The following GTF2A2 variants were observed in gnomAD, a reference collection of about 807,000 sequenced individuals.
GTF2A2 encodes the protein transcription initiation factor IIA subunit 2.
A neutral mutation model predicts 14.3 loss-of-function variants in GTF2A2; 9 were observed. The observed-to-expected ratio is 0.63, with a 90% CI of 0.38 to 1.10. The LOEUF (loss-of-function observed/expected upper bound fraction) is 1.10. Among genes scored for constraint, GTF2A2 ranks in the 50% least tolerant of loss-of-function variants. The probability of loss-of-function intolerance (pLI) is 0.01; values close to 1 mark genes in which losing one functional copy is unlikely to be tolerated. For missense variants in GTF2A2, 90 were observed against 124.6 expected, an observed-to-expected ratio of 0.72 and a Z score of 1.32; for synonymous variants, 56 against 46.0, an observed-to-expected ratio of 1.22 and a Z score of -0.88.
chr15:59,652,038 G>A (rs765860748), intron 2 of GTF2A2, 168 bp downstream of exon 2: 75 of 552,516 alleles, frequency 1.4e-4, no homozygotes, highest in Non-Finnish European at 2.0e-4. Flanking sequence ...CCTGTTGTCA[G>A]GACAGTGTAA....
chr15:59,647,991 T>TG (rs1285666400), intron 3 of GTF2A2, among the ~76,000 whole-genome samples: 1 of 152,182 alleles, frequency 6.6e-6, no homozygotes, highest in Non-Finnish European at 1.5e-5. Flanking sequence ...ATCTTATTTT[T>TG]GGGGGGTGTG....
At chr15:59,650,266 T>C (rs1268114906) in intron 3 of GTF2A2, among the ~76,000 whole-genome samples, 4 of 152,118 alleles carry the variant, frequency 2.6e-5, no homozygotes, top group Non-Finnish European at 5.9e-5. Context: ...CAACATGAAG[T>C]TTCTAGAAAT....
At chr15:59,654,846 T>C (rs1891896147) in intron 1 of GTF2A2, among the ~76,000 whole-genome samples, 1 of 152,218 alleles carries the variant, frequency 6.6e-6, no homozygotes, top group Non-Finnish European at 1.5e-5. Flanking sequence ...TTTTGGATTT[T>C]AGAATATCTG....
intron 1 of GTF2A2, among the ~76,000 whole-genome samples, chr15:59,654,377 C>T (rs1199257691): frequency 6.6e-6 from 1 of 152,126 alleles, no homozygotes; most frequent in Non-Finnish European, 1.5e-5. Flanking sequence ...TTTCCAAATA[C>T]CTGCATAGTT....
rs1425747982 is a variant in GTF2A2 at position 59,638,637 on chromosome 15, T to TTAAC, written c.*491_*494dup. ...TACTTGGGTTTTTTTATACCAATGA[T>TTAAC]TAACTTTGGTTTTGTATTTTAAAAA... On this transcript the variant is annotated 3_prime_UTR_variant, in exon 5 of 5. Transcript: ENST00000396060. The TTAAC allele has an allele frequency of 1.3e-5, 2 of 152,386 alleles. No individual in the cohort carries two copies. The highest frequency in any genetic ancestry group is 6.5e-5 in the Admixed American group (1 of 15,284). The allele number at this position is 152,386 out of a possible 1,614,324, so 9.4% of individuals were successfully genotyped here. A position where few individuals can be genotyped will look rare whatever the true frequency, so the allele number is the denominator to read the frequency against.
At chr15:59,652,045 G>A in intron 2 of GTF2A2, 161 bp downstream of exon 2, 2 of 565,500 alleles carry the variant, frequency 3.5e-6, no homozygotes, top group Non-Finnish European at 3.1e-6. Flanking sequence ...TCAGGACAGT[G>A]TAATAAACAA....
intron 1 of GTF2A2, among the ~76,000 whole-genome samples, chr15:59,656,454 T>C (rs1371147456): frequency 6.6e-6 from 1 of 151,298 alleles, no homozygotes; most frequent in Non-Finnish European, 1.5e-5. Flanking sequence ...GCACCATCAC[T>C]TTCTAACACC....
chr15:59,653,419 T>C (rs1333165884), intron 1 of GTF2A2, among the ~76,000 whole-genome samples: 1 of 152,240 alleles, frequency 6.6e-6, no homozygotes, highest in Admixed American at 6.5e-5. Flanking sequence ...CACACCTTGC[T>C]AGCACTGGAT....
chr15:59,639,860 C>T (rs1216664599), intron 4 of GTF2A2, among the ~76,000 whole-genome samples: 1 of 152,078 alleles, frequency 6.6e-6, no homozygotes, highest in Non-Finnish European at 1.5e-5. Context: ...AAGCAATTGT[C>T]CTGCCTCAGC....
intron 4 of GTF2A2, among the ~76,000 whole-genome samples, chr15:59,639,694 G>A (rs991306772): frequency 6.6e-6 from 1 of 151,756 alleles, no homozygotes; most frequent in Non-Finnish European, 1.5e-5. Context: ...TCCTGACCTC[G>A]TGATCTGCCC....
rs566799058 is a variant in GTF2A2 at position 59,647,955 on chromosome 15, G to A, written c.177+2714C>T. On this transcript the variant is annotated intron_variant, in intron 3 of 4. Transcript: ENST00000396060. ...GAAAAGGAAACTTTCAGTTTTGTTA[G>A]AAGGGCTATTTTTCTTGATCACTAA... 7.9e-5 allele frequency among the ~76,000 whole-genome samples: 12 copies of A among 152,324 alleles called. No individual in the cohort carries two copies. In the South Asian group the frequency reaches 2.1e-3, roughly 26 times the overall value.
intron 1 of GTF2A2, 116 bp downstream of exon 1, chr15:59,657,290 A>G (rs1891980828): frequency 1.3e-5 from 2 of 152,258 alleles, no homozygotes; most frequent in South Asian, 4.1e-4. Flanking sequence ...TAACGGGCAG[A>G]TCCCAGGAGC....
At chr15:59,651,098 T>C (rs1891777462) in intron 2 of GTF2A2, 1 of 174,122 alleles carries the variant, frequency 5.7e-6, no homozygotes, top group Non-Finnish European at 1.2e-5. Flanking sequence ...AGGGCCTATA[T>C]TAACAAACAA....
chr15:59,638,895 A>C lies in GTF2A2; in HGVS notation c.*237T>G, dbSNP rs1891278079. 2 of 424,376 alleles carry C rather than the reference A, an allele frequency of 4.7e-6. No homozygotes were observed. Among genetic ancestry groups the C allele is most frequent in the East Asian group, 4.5e-5 (1 of 22,232 alleles). The allele number at this position is 424,376 out of a possible 1,614,324, so 26.3% of individuals were successfully genotyped here. ...AGTTTTAAAATGAGTTTATTAAAGAAGGTTCTTAGGAAGGCAACAACTTTT... is the reference window on the plus strand; with the variant it reads ...AGTTTTAAAATGAGTTTATTAAAGACGGTTCTTAGGAAGGCAACAACTTTT... On this transcript the variant is annotated 3_prime_UTR_variant, in exon 5 of 5. Transcript: ENST00000396060.
At chr15:59,646,572 A>G (rs1891614482) in intron 3 of GTF2A2, among the ~76,000 whole-genome samples, 1 of 152,228 alleles carries the variant, frequency 6.6e-6, no homozygotes, top group Non-Finnish European at 1.5e-5. Flanking sequence ...TTTCAAATAT[A>G]AAGCATTTTA....
chr15:59,647,298 T>C (rs761251195), intron 3 of GTF2A2, among the ~76,000 whole-genome samples: 13 of 152,194 alleles, frequency 8.5e-5, no homozygotes, highest in Middle Eastern at 3.4e-3. Flanking sequence ...AGGGTTTCAC[T>C]ATATTTCGCA....
At chr15:59,650,636 T>C (rs1441066295) in intron 3 of GTF2A2, 33 bp downstream of exon 3, 1 of 1,192,734 alleles carries the variant, frequency 8.4e-7, no homozygotes. Flanking sequence ...CAACCATTGG[T>C]ACAGGCTTCT....
At chr15:59,652,976 C>T (rs1372462754) in intron 1 of GTF2A2, 1 of 152,030 alleles carries the variant, frequency 6.6e-6, no homozygotes, top group Non-Finnish European at 1.5e-5. Flanking sequence ...ATTCCAGAGG[C>T]TGACAGAATA....
At chr15:59,647,068 A>G (rs1246056725) in intron 3 of GTF2A2, among the ~76,000 whole-genome samples, 1 of 151,738 alleles carries the variant, frequency 6.6e-6, no homozygotes, top group African/African-American at 2.4e-5. Flanking sequence ...ATATTATATA[A>G]TTTATATGCG....
Sources: allele counts gnomAD v4.1 joint callset (sites outside exome capture counted in the v4.1 genomes callset), GRCh38; gene constraint gnomAD v4.1.1; transcripts MANE v1.5; gene names NCBI Gene and HGNC (gene_info 2026-07-23, HGNC 2026-07-21).